The following UNC5C variants were observed in gnomAD, a reference collection of about 807,000 sequenced individuals.
UNC5C encodes the protein netrin receptor UNC5C.
UNC5C carries 47 observed loss-of-function variants against 99.8 expected under a neutral mutation model. The observed-to-expected ratio is 0.47, with a 90% CI of 0.37 to 0.60. UNC5C has a LOEUF of 0.60. Among genes scored for constraint, UNC5C ranks in the 20% least tolerant of loss-of-function variants. The pLI is 0.00. For missense variants in UNC5C, 1,062 were observed against 1,165.9 expected, an observed-to-expected ratio of 0.91 and a Z score of 1.30; for synonymous variants, 487 against 452.2, an observed-to-expected ratio of 1.08 and a Z score of -0.98.
chr4:95,531,644 G>T (rs1411195599), intron 1 of UNC5C, among the ~76,000 whole-genome samples: 2 of 152,128 alleles, frequency 1.3e-5, no homozygotes, highest in African/African-American at 2.4e-5. Context: ...AATAGGCTGT[G>T]GTCCTACCAA....
At chr4:95,523,213 C>T (rs1722405786) in intron 1 of UNC5C, among the ~76,000 whole-genome samples, 1 of 152,172 alleles carries the variant, frequency 6.6e-6, no homozygotes. Flanking sequence ...CAGAATTGTT[C>T]TCACCTTGAG....
intron 1 of UNC5C, among the ~76,000 whole-genome samples, chr4:95,529,297 T>C (rs1002126397): frequency 4.1e-5 from 6 of 148,114 alleles, no homozygotes; most frequent in African/African-American, 1.5e-4. Flanking sequence ...TATATATGTA[T>C]ATATATTTAT....
In UNC5C at chr4:95,346,593, T is replaced by C. The variant is rs111367078; in HGVS notation, c.125-10962A>G. 5.6e-3 allele frequency among the ~76,000 whole-genome samples: 847 copies of C among 152,144 alleles called. 11 individuals are homozygous for C. Among genetic ancestry groups the C allele is most frequent in the African/African-American group, 0.019 (803 of 41,554 alleles). ...AAAAAGATAATTCATCATTGCCCAG[T>C]GGGATTTATCCCAGGCATTCAAGGA... On this transcript the variant is annotated intron_variant, in intron 1 of 15. Transcript: ENST00000453304.
intron 1 of UNC5C, among the ~76,000 whole-genome samples, chr4:95,500,054 C>T (rs1486322831): frequency 2.0e-5 from 3 of 152,060 alleles, no homozygotes; most frequent in African/African-American, 7.2e-5. Context: ...GTAGTTTGAC[C>T]AGTAAAACCA....
At chr4:95,281,807 C>A (rs1741069098) in intron 3 of UNC5C, among the ~76,000 whole-genome samples, 1 of 152,136 alleles carries the variant, frequency 6.6e-6, no homozygotes, top group Non-Finnish European at 1.5e-5. Context: ...GTATAGTAGT[C>A]TAGATCATGG....
At chr4:95,491,836 A>G (rs1721501066) in intron 1 of UNC5C, among the ~76,000 whole-genome samples, 1 of 151,634 alleles carries the variant, frequency 6.6e-6, no homozygotes, top group Non-Finnish European at 1.5e-5. Context: ...TCTCAAACAG[A>G]AAATTCCATT....
intron 1 of UNC5C, among the ~76,000 whole-genome samples, chr4:95,494,724 A>G (rs1257020604): frequency 6.6e-6 from 1 of 151,558 alleles, no homozygotes; most frequent in African/African-American, 2.4e-5. Context: ...TAAAACATTT[A>G]AATATACAAT....
chr4:95,250,477 G>T lies in UNC5C; in HGVS notation c.775+10C>A. The T allele has an allele frequency of 6.2e-7, 1 of 1,611,630 alleles. No homozygotes were observed. The highest frequency in any genetic ancestry group is 2.2e-5 in the East Asian group (1 of 44,776). On this transcript the variant is annotated intron_variant, in intron 5 of 15. Coordinates refer to ENST00000453304, the MANE Select transcript of UNC5C (RefSeq NM_003728.4). ...CATGAACTAGATTGAGACCCTGAAGGGCCACTCACCATAGACTATGACAGT... is the reference window on the plus strand; with the variant it reads ...CATGAACTAGATTGAGACCCTGAAGTGCCACTCACCATAGACTATGACAGT...
intron 4 of UNC5C, among the ~76,000 whole-genome samples, chr4:95,256,419 T>G (rs1320205616): frequency 6.6e-6 from 1 of 152,088 alleles, no homozygotes; most frequent in African/African-American, 2.4e-5. Flanking sequence ...CCTGACTTAG[T>G]GTTGACCACT....
intron 14 of UNC5C, among the ~76,000 whole-genome samples, chr4:95,176,442 T>C (rs1313538506): frequency 6.6e-6 from 1 of 152,144 alleles, no homozygotes; most frequent in Non-Finnish European, 1.5e-5. Flanking sequence ...CCTTTCTGTT[T>C]GTTAGTTTTC....
At chr4:95,259,600 CTA>C (rs979759329) in intron 4 of UNC5C, among the ~76,000 whole-genome samples, 26 of 152,174 alleles carry the variant, frequency 1.7e-4, no homozygotes, top group African/African-American at 6.0e-4. Context: ...CCTTTAAACT[CTA>C]TGAGTTTATA....
At chr4:95,185,730 GAAATAA>G (rs1444400052) in intron 12 of UNC5C, among the ~76,000 whole-genome samples, 3 of 151,922 alleles carry the variant, frequency 2.0e-5, no homozygotes, top group Non-Finnish European at 2.9e-5. Context: ...TTCAAGTACA[GAAATAA>G]AAATATAAAA....
chr4:95,325,815 T>C (rs927194159), intron 2 of UNC5C, among the ~76,000 whole-genome samples: 1 of 152,162 alleles, frequency 6.6e-6, no homozygotes, highest in Non-Finnish European at 1.5e-5. Flanking sequence ...AAGGTCTGCA[T>C]GTGGAAAACC....
chr4:95,360,257 T>G (rs933844837), intron 1 of UNC5C, among the ~76,000 whole-genome samples: 2 of 152,200 alleles, frequency 1.3e-5, no homozygotes, highest in African/African-American at 4.8e-5. Flanking sequence ...TTCTAATTTA[T>G]TTAACCAATA....
At chr4:95,212,465 C>T (rs1042505609) in intron 10 of UNC5C, among the ~76,000 whole-genome samples, 1 of 152,170 alleles carries the variant, frequency 6.6e-6, no homozygotes, top group Non-Finnish European at 1.5e-5. Context: ...AGCCACTACT[C>T]CTAACACAGT....
intron 3 of UNC5C, among the ~76,000 whole-genome samples, chr4:95,298,917 A>C (rs1273847828): frequency 6.6e-6 from 1 of 152,210 alleles, no homozygotes; most frequent in East Asian, 1.9e-4. Flanking sequence ...AGCATGAAGA[A>C]TAGCTGAAAG....
intron 1 of UNC5C, among the ~76,000 whole-genome samples, chr4:95,427,760 T>TTATTGTGG (rs1746525177): frequency 6.6e-6 from 1 of 152,192 alleles, no homozygotes; most frequent in African/African-American, 2.4e-5. Flanking sequence ...AATATCTGCT[T>TTATTGTGG]TATTGTGGTG....
At chr4:95,307,306 T>A (rs1370242000) in intron 2 of UNC5C, among the ~76,000 whole-genome samples, 1 of 152,126 alleles carries the variant, frequency 6.6e-6, no homozygotes, top group African/African-American at 2.4e-5. Flanking sequence ...CTAAAATTAT[T>A]CTATGCAAGT....
chr4:95,383,120 A>C (rs1019644307), intron 1 of UNC5C, among the ~76,000 whole-genome samples: 6 of 152,252 alleles, frequency 3.9e-5, no homozygotes, highest in African/African-American at 1.4e-4. Context: ...AGTTTAATCC[A>C]ATATCAAAAC....
Sources: gnomAD v4.1 joint callset for allele counts (sites outside exome capture counted in the v4.1 genomes callset) on GRCh38, gnomAD v4.1.1 for gene constraint, MANE v1.5 for transcripts, NCBI Gene and HGNC (gene_info 2026-07-23, HGNC 2026-07-21) for gene names.